DNER: variants seen among roughly 807,000 people sequenced by gnomAD.
DNER encodes the protein delta/notch like EGF repeat containing, also known as delta and Notch-like epidermal growth factor-related receptor.
DNER carries 33 observed loss-of-function variants against 78.2 expected under a neutral mutation model. The observed-to-expected ratio is 0.42, with a 90% confidence interval of 0.32 to 0.56. DNER has a LOEUF of 0.56. DNER is among the 20% of genes least tolerant of loss of function. The probability of loss-of-function intolerance (pLI) is 0.11; values close to 1 mark genes in which losing one functional copy is unlikely to be tolerated. For synonymous variants in DNER, 417 were observed against 384.8 expected (o/e 1.08, Z -0.98); for missense variants, 918 against 975.3 (o/e 0.94, Z 0.78).
At chr2:229,493,644 T>C (rs890797185) in intron 6 of DNER, among the ~76,000 whole-genome samples, 5 of 116,710 alleles carry the variant, frequency 4.3e-5, no homozygotes, top group Non-Finnish European at 1.0e-4. Context: ...CATATAGAAT[T>C]GTATCTCATT....
chr2:229,549,462 C>G lies in DNER; in HGVS notation c.848-2370G>C, dbSNP rs543179961. On this transcript the variant is annotated intron_variant, in intron 4 of 12. Transcript: ENST00000341772. ...CTGAGATTACAGGCACCTGCCATCACACCTGGATAATTTCTGTATTGAGGC... is the reference window on the plus strand; with the variant it reads ...CTGAGATTACAGGCACCTGCCATCAGACCTGGATAATTTCTGTATTGAGGC... 3.3e-5 allele frequency among the ~76,000 whole-genome samples: 5 copies of G among 152,292 alleles called. No individual in the cohort carries two copies. The South Asian group carries it at 1.0e-3, about 32-fold the overall frequency.
intron 11 of DNER, among the ~76,000 whole-genome samples, chr2:229,381,155 C>T (rs1010411029): frequency 5.3e-5 from 8 of 151,974 alleles, no homozygotes; most frequent in South Asian, 2.1e-4. Flanking sequence ...TCGCCTCACC[C>T]GGGAAACACA....
intron 1 of DNER, among the ~76,000 whole-genome samples, chr2:229,682,366 G>A (rs1699401272): frequency 6.6e-6 from 1 of 152,152 alleles, no homozygotes; most frequent in Admixed American, 6.5e-5. Context: ...ATAACTAAGG[G>A]TAACTTTCAT....
intron 7 of DNER, among the ~76,000 whole-genome samples, chr2:229,472,067 T>G (rs1399654274): frequency 6.6e-6 from 1 of 152,214 alleles, no homozygotes; most frequent in African/African-American, 2.4e-5. Context: ...GTTATAGGAC[T>G]GGAAGATGTG....
At position 229,417,569 on chromosome 2, in the gene DNER, C is replaced by T. The variant is rs150296022; in HGVS notation, c.1609+539G>A. On this transcript the variant is annotated intron_variant, in intron 9 of 12. Coordinates refer to ENST00000341772, the MANE Select transcript of DNER (RefSeq NM_139072.4). ...TATAGGGGAAGAGCATTACTGTCCA[C>T]CTCATAGGGTTCTCGGGGGGATTTA... Among the ~76,000 whole-genome samples the T allele has an allele frequency of 3.9e-5, 6 of 151,912 alleles. No homozygotes were observed. The East Asian group carries it at 1.2e-3, about 29-fold the overall frequency.
intron 3 of DNER, among the ~76,000 whole-genome samples, chr2:229,588,188 A>G (rs1247829164): frequency 2.6e-5 from 4 of 152,076 alleles, no homozygotes; most frequent in East Asian, 1.9e-4. Flanking sequence ...TCTCAATTCC[A>G]CTTGTCCAGC....
chr2:229,575,881 G>C (rs1269593976), intron 4 of DNER, among the ~76,000 whole-genome samples: 2 of 152,092 alleles, frequency 1.3e-5, no homozygotes. Context: ...AGATCAAAAA[G>C]AATAATCTTG....
intron 1 of DNER, among the ~76,000 whole-genome samples, chr2:229,689,238 C>A (rs562984190): frequency 6.6e-6 from 1 of 152,284 alleles, no homozygotes; most frequent in Admixed American, 6.5e-5. Context: ...GATGGCCACT[C>A]CCCTCCTTGG....
At chr2:229,359,417 C>A (rs1454753216) in intron 12 of DNER, among the ~76,000 whole-genome samples, 1 of 152,114 alleles carries the variant, frequency 6.6e-6, no homozygotes, top group Non-Finnish European at 1.5e-5. Flanking sequence ...TAAAATAAAG[C>A]CAATTCAACT....
chr2:229,520,586 T>A (rs533662414), intron 5 of DNER, among the ~76,000 whole-genome samples: 114 of 152,366 alleles, frequency 7.5e-4, no homozygotes, highest in African/African-American at 2.5e-3. Context: ...TATGTTTATA[T>A]ATGTTTGAGA....
At chr2:229,650,933 G>A (rs1698805787) in intron 1 of DNER, among the ~76,000 whole-genome samples, 1 of 152,178 alleles carries the variant, frequency 6.6e-6, no homozygotes, top group Non-Finnish European at 1.5e-5. Context: ...GAGGACACAT[G>A]TCAGTTTTGC....
At chr2:229,620,382 G>A (rs566151124) in intron 1 of DNER, among the ~76,000 whole-genome samples, 1 of 152,088 alleles carries the variant, frequency 6.6e-6, no homozygotes, top group Non-Finnish European at 1.5e-5. Flanking sequence ...TATAATTATG[G>A]ATATCACCAC....
rs560237540 is a variant in DNER at position 229,524,919 on chromosome 2, C to T, written c.994-11983G>A. 2.6e-5 allele frequency among the ~76,000 whole-genome samples: 4 copies of T among 152,324 alleles called. No individual in the cohort carries two copies. The South Asian group carries it at 8.3e-4, about 32-fold the overall frequency. On this transcript the variant is annotated intron_variant, in intron 5 of 12. Transcript: ENST00000341772. ...TAGTTCTCAAGACGTTTGTCACCAT[C>T]TGAAACTCAAGATCCTGAGACAGGG...
intron 5 of DNER, among the ~76,000 whole-genome samples, chr2:229,520,016 A>C (rs1696062618): frequency 6.6e-6 from 1 of 152,224 alleles, no homozygotes; most frequent in African/African-American, 2.4e-5. Flanking sequence ...AGAGGTATAC[A>C]TAAAGCGCCT....
chr2:229,533,509 C>T lies in DNER; in HGVS notation c.993+13438G>A, dbSNP rs151218961. On this transcript the variant is annotated intron_variant, in intron 5 of 12. Coordinates refer to ENST00000341772, the MANE Select transcript of DNER (RefSeq NM_139072.4). ...AATTTCACCTCGAATGTCCTTGATG[C>T]GGCAGTAAAAATTAAAATTTGATGA... is the stretch of plus-strand genomic sequence containing the variant. 6.4e-3 allele frequency among the ~76,000 whole-genome samples: 976 copies of T among 152,188 alleles called. 5 individuals carry two copies. The highest frequency in any genetic ancestry group is 0.014 in the African/African-American group (581 of 41,508).
rs1249679285 is a variant in DNER at position 229,591,487 on chromosome 2, C to T, written c.585+93G>A. On this transcript the variant is annotated intron_variant, in intron 2 of 12. Coordinates refer to ENST00000341772, the MANE Select transcript of DNER (RefSeq NM_139072.4). This position sits in a 1 kb window ranked among gnomAD's most constrained non-coding sequence, Gnocchi z 4.6. Reference sequence around the variant, plus strand: ...TTGCTTCGTGATTTAACTTAAAATGCTTTCATTTTTAATTGCTGATACTAG... The same window carrying T: ...TTGCTTCGTGATTTAACTTAAAATGTTTTCATTTTTAATTGCTGATACTAG... 1.4e-6 allele frequency: 2 copies of T among 1,414,612 alleles called. No homozygotes were observed. Among genetic ancestry groups the T allele is most frequent in the Non-Finnish European group, 1.9e-6 (2 of 1,062,416 alleles). The allele number at this position is 1,414,612 out of a possible 1,614,324, so 87.6% of individuals were successfully genotyped here. A position where few individuals can be genotyped will look rare whatever the true frequency, so the allele number is the denominator to read the frequency against.
At chr2:229,710,260 T>A (rs1295499853) in intron 1 of DNER, among the ~76,000 whole-genome samples, 1 of 152,208 alleles carries the variant, frequency 6.6e-6, no homozygotes, top group Non-Finnish European at 1.5e-5. Flanking sequence ...ATCCCCTTTT[T>A]AATGATAAAA....
intron 1 of DNER, among the ~76,000 whole-genome samples, chr2:229,673,598 G>A (rs2154216893): frequency 6.6e-6 from 1 of 152,094 alleles, no homozygotes; most frequent in East Asian, 1.9e-4. Context: ...ACAGTGTAAG[G>A]TTTCTTATGT....
At chr2:229,615,297 G>C (rs1005422115) in intron 1 of DNER, among the ~76,000 whole-genome samples, 2 of 151,800 alleles carry the variant, frequency 1.3e-5, no homozygotes, top group African/African-American at 4.8e-5. Context: ...TGTAATCCCA[G>C]CTACTCGGGA....
Sources: allele counts gnomAD v4.1 joint callset (sites outside exome capture counted in the v4.1 genomes callset), GRCh38; gene constraint gnomAD v4.1.1; non-coding constraint Gnocchi (gnomAD v3.1); transcripts MANE v1.5; gene names NCBI Gene and HGNC (gene_info 2026-07-23, HGNC 2026-07-21).